Variants in CSMD3 observed in about 807,000 individuals in gnomAD.
CSMD3 encodes CUB and sushi domain-containing protein 3.
A neutral mutation model predicts 435.2 loss-of-function variants in CSMD3; 177 were observed. The ratio of observed to expected loss-of-function variants is 0.41; its 90% CI spans 0.36 to 0.46. The LOEUF is 0.46. Ranked by LOEUF, CSMD3 falls within the 20% of genes least tolerant of loss-of-function variation. The pLI is 0.34. For synonymous variants in CSMD3, 1,656 were observed against 1,520.5 expected, an observed-to-expected ratio of 1.09 and a Z score of -2.07; for missense variants, 4,265 against 4,504.6, an observed-to-expected ratio of 0.95 and a Z score of 1.52.
intron 15 of CSMD3, among the ~76,000 whole-genome samples, chr8:112,684,143 A>C (rs2075961938): frequency 6.6e-6 from 1 of 151,974 alleles, no homozygotes; most frequent in Non-Finnish European, 1.5e-5. Flanking sequence ...AGTTAAAAAT[A>C]TTATGCATTT....
At chr8:113,077,686 G>C (rs2089400981) in intron 5 of CSMD3, among the ~76,000 whole-genome samples, 1 of 152,094 alleles carries the variant, frequency 6.6e-6, no homozygotes, top group African/African-American at 2.4e-5. Context: ...CTGGGTGACA[G>C]AGCAAGACTC....
At chr8:112,785,910 A>C (rs896614158) in intron 13 of CSMD3, among the ~76,000 whole-genome samples, 2 of 152,128 alleles carry the variant, frequency 1.3e-5, no homozygotes, top group African/African-American at 4.8e-5. Context: ...CATTCTTCAC[A>C]GAAAAAGAAA....
chr8:113,241,241 CTAGAGAAAATATGAA>C (rs2093212407), intron 3 of CSMD3, among the ~76,000 whole-genome samples: 1 of 151,810 alleles, frequency 6.6e-6, no homozygotes, highest in African/African-American at 2.4e-5. Flanking sequence ...TCTGCAAAAC[CTAGAGAAAATATGAA>C]TAGAGAAAAT....
At chr8:112,553,328 G>A (rs970175760) in intron 25 of CSMD3, among the ~76,000 whole-genome samples, 8 of 151,914 alleles carry the variant, frequency 5.3e-5, no homozygotes, top group East Asian at 3.9e-4. Flanking sequence ...TGTGAGTATC[G>A]TCATGCAATA....
chr8:112,646,821 G>T (rs1272923056), intron 19 of CSMD3, among the ~76,000 whole-genome samples: 1 of 152,132 alleles, frequency 6.6e-6, no homozygotes, highest in Non-Finnish European at 1.5e-5. Context: ...AGTGAAGAAA[G>T]AATGTAATTT....
intron 12 of CSMD3, among the ~76,000 whole-genome samples, chr8:112,818,596 A>G (rs1181252597): frequency 6.6e-6 from 1 of 152,212 alleles, no homozygotes; most frequent in Admixed American, 6.6e-5. Context: ...AGGTTTTAAA[A>G]TACATTTTTG....
intron 32 of CSMD3, among the ~76,000 whole-genome samples, chr8:112,410,686 A>ATG (rs1313034184): frequency 7.4e-5 from 8 of 108,036 alleles, no homozygotes; most frequent in Non-Finnish European, 1.0e-4. Flanking sequence ...GTATATATAT[A>ATG]TGTATATATA....
Position 113,098,762 on chromosome 8 carries a change from G to A in CSMD3, c.911C>T (p.Thr304Ile), listed in dbSNP as rs1215365066. 1.9e-6 allele frequency: 3 copies of A among 1,598,978 alleles called. No individual in the cohort carries two copies. Among genetic ancestry groups the A allele is most frequent in the Non-Finnish European group, 2.6e-6 (3 of 1,166,794 alleles). Reference protein sequence around the residue: ...YLEIEGSEPPTIWLSGMNIPP... With the variant: ...YLEIEGSEPPIIWLSGMNIPP... ...ATAGAAGCTATTTACTTACCATATG[G>A]TAGGTGGCTCAGAACCTTCTATTTC... The change falls in exon 5 of 71, where the codon ACC becomes ATC. Residue 304 changes from threonine to isoleucine, a missense_variant. By Grantham distance (89) the Thr-to-Ile change is moderately conservative. Transcript: ENST00000297405.
intron 60 of CSMD3, 102 bp from the exon 61 acceptor site, chr8:112,263,914 C>T (rs1355697553): frequency 3.0e-6 from 3 of 1,015,416 alleles, no homozygotes; most frequent in Non-Finnish European, 4.6e-6. Context: ...CTAATTTAAC[C>T]TTTTCGAGGA....
chr8:112,530,769 G>A (rs1327138549), intron 27 of CSMD3, among the ~76,000 whole-genome samples: 1 of 152,128 alleles, frequency 6.6e-6, no homozygotes, highest in East Asian at 1.9e-4. Flanking sequence ...ACAGCATTGG[G>A]CAGAATTCCA....
At chr8:112,419,140 T>C (rs1478835609) in intron 32 of CSMD3, among the ~76,000 whole-genome samples, 3 of 152,192 alleles carry the variant, frequency 2.0e-5, no homozygotes, top group African/African-American at 4.8e-5. Flanking sequence ...TTATATTTTC[T>C]ACATATCAGT....
At chr8:112,573,314 A>C (rs2131299631) in intron 24 of CSMD3, among the ~76,000 whole-genome samples, 187 bp downstream of exon 24, 1 of 152,266 alleles carries the variant, frequency 6.6e-6, no homozygotes, top group East Asian at 1.9e-4. Context: ...TCAACTGTAA[A>C]ATGGCAATAG....
chr8:113,006,114 T>C (rs929818337), intron 6 of CSMD3, among the ~76,000 whole-genome samples: 1 of 152,134 alleles, frequency 6.6e-6, no homozygotes, highest in South Asian at 2.1e-4. Context: ...GCAAAACAAC[T>C]TGCATAACCT....
chr8:113,053,486 C>A (rs757762752), intron 5 of CSMD3, among the ~76,000 whole-genome samples: 21 of 151,916 alleles, frequency 1.4e-4, no homozygotes, highest in Non-Finnish European at 2.6e-4. Context: ...TACCTAATAT[C>A]CTTATTGACT....
intron 3 of CSMD3, among the ~76,000 whole-genome samples, chr8:113,252,560 G>A (rs1036945463): frequency 6.6e-6 from 1 of 151,922 alleles, no homozygotes; most frequent in African/African-American, 2.4e-5. Context: ...AGACTCCATA[G>A]AGCAAAGTGA....
At chr8:113,053,106 C>T (rs1355343121) in intron 5 of CSMD3, among the ~76,000 whole-genome samples, 3 of 152,096 alleles carry the variant, frequency 2.0e-5, no homozygotes, top group African/African-American at 7.2e-5. Context: ...TCACTACCAA[C>T]CCAACACACC....
intron 59 of CSMD3, among the ~76,000 whole-genome samples, chr8:112,266,838 G>A (rs1233092721): frequency 1.3e-5 from 2 of 152,138 alleles, no homozygotes; most frequent in Non-Finnish European, 2.9e-5. Context: ...TTTGGGCAGC[G>A]AATTGGCTAA....
intron 14 of CSMD3, among the ~76,000 whole-genome samples, chr8:112,688,768 A>G (rs2076068149): frequency 1.3e-5 from 2 of 152,026 alleles, no homozygotes; most frequent in African/African-American, 2.4e-5. Context: ...ATCATATATC[A>G]GGATATCAGA....
chr8:113,325,589 G>C (rs2132730428), intron 1 of CSMD3, among the ~76,000 whole-genome samples: 1 of 152,222 alleles, frequency 6.6e-6, no homozygotes, highest in East Asian at 1.9e-4. Flanking sequence ...GATGAAAACA[G>C]ACTAATACAG....
Sources: gnomAD v4.1 joint callset for allele counts (sites outside exome capture counted in the v4.1 genomes callset) on GRCh38, gnomAD v4.1.1 for gene constraint, MANE v1.5 for transcripts, NCBI Gene and HGNC (gene_info 2026-07-23, HGNC 2026-07-21) for gene names.